Variants in LOXL2 observed in about 807,000 individuals in gnomAD.
The protein encoded by LOXL2 is lysyl oxidase homolog 2.
A neutral mutation model predicts 93.0 loss-of-function variants in LOXL2; 70 were observed. The ratio of observed to expected loss-of-function variants is 0.75; its 90% CI spans 0.62 to 0.92. The LOEUF is 0.92. Ranked by LOEUF, LOXL2 falls within the 40% of genes least tolerant of loss-of-function variation. The probability of loss-of-function intolerance (pLI) is 0.00; values close to 1 mark genes in which losing one functional copy is unlikely to be tolerated. For missense variants in LOXL2, 973 were observed against 1,054.9 expected (o/e 0.92, Z 1.08); for synonymous variants, 438 against 413.2 (o/e 1.06, Z -0.73).
rs1294494951 is a variant in LOXL2 at position 23,312,599 on chromosome 8, AC to A, written c.1637-2689del. On this transcript the variant is annotated intron_variant, in intron 9 of 13. Coordinates refer to ENST00000389131, the MANE Select transcript of LOXL2 (RefSeq NM_002318.3). ...AAAAGGCCTTTGACAAAATTCAACA[AC>A]CCTTCATGCTAAAAACTCTCAATAA... 9.5e-5 allele frequency among the ~76,000 whole-genome samples: 13 copies of A among 136,180 alleles called. No homozygotes were observed. The East Asian group carries it at 1.8e-3, about 19-fold the overall frequency. The allele number at this position is 136,180 out of a possible 152,430, so 89.3% of individuals were successfully genotyped here.
In LOXL2 at chr8:23,333,560, C is replaced by T; in HGVS notation, c.807G>A (p.Glu269=). ...CCAGCTTGCAGCTGGAGATGTGGGC[C>T]TCTGTGCCGGTGCAGTCCATGGAGA... ...WPFSMDCTGT[E]AHISSCKLGP... Residue 269 remains glutamate, a synonymous_variant, in exon 5 of 14, where the codon GAG becomes GAA. Transcript: ENST00000389131. The T allele has an allele frequency of 6.2e-7, 1 of 1,613,906 alleles. No homozygotes were observed. Among genetic ancestry groups the T allele is most frequent in the Non-Finnish European group, 8.5e-7 (1 of 1,180,036 alleles).
At chr8:23,392,632 G>T (rs1418215359) in intron 1 of LOXL2, among the ~76,000 whole-genome samples, 4 of 152,142 alleles carry the variant, frequency 2.6e-5, no homozygotes, top group Non-Finnish European at 5.9e-5. Flanking sequence ...TCTTTAGCAT[G>T]ACACAAACTA....
chr8:23,375,081 C>A (rs1375864588), intron 1 of LOXL2, among the ~76,000 whole-genome samples: 1 of 152,078 alleles, frequency 6.6e-6, no homozygotes, highest in Non-Finnish European at 1.5e-5. Flanking sequence ...GGTTTTAGGT[C>A]TAACATTTAA....
intron 1 of LOXL2, among the ~76,000 whole-genome samples, chr8:23,391,764 G>C (rs767176079): frequency 6.6e-6 from 1 of 152,184 alleles, no homozygotes; most frequent in South Asian, 2.1e-4. Flanking sequence ...TTCCTGGAGG[G>C]GGAGTGCTGA....
intron 3 of LOXL2, among the ~76,000 whole-genome samples, chr8:23,345,591 G>A (rs1049422364): frequency 1.3e-5 from 2 of 152,148 alleles, no homozygotes; most frequent in Non-Finnish European, 2.9e-5. Flanking sequence ...TAGAAAACAC[G>A]CCCACACACA....
intron 1 of LOXL2, among the ~76,000 whole-genome samples, chr8:23,376,633 T>C (rs972263787): frequency 1.3e-5 from 2 of 152,198 alleles, no homozygotes; most frequent in Admixed American, 1.3e-4. Context: ...TATTGGTCTA[T>C]TCAGGGATTC....
chr8:23,395,535 T>A (rs188770597), intron 1 of LOXL2, among the ~76,000 whole-genome samples: 512 of 152,256 alleles, frequency 3.4e-3, no homozygotes, highest in Admixed American at 4.1e-3. Context: ...TGAAATCCAT[T>A]GACTTGTACA....
At chr8:23,383,712 G>C (rs548013993) in intron 1 of LOXL2, among the ~76,000 whole-genome samples, 1 of 138,196 alleles carries the variant, frequency 7.2e-6, no homozygotes, top group African/African-American at 2.8e-5. Flanking sequence ...CCAGGCTGGA[G>C]TGCAGTGGCG....
rs188334861 is a variant in LOXL2 at position 23,302,168 on chromosome 8, G to T, written c.1997-5C>A. 20 of 1,614,062 alleles carry T rather than the reference G, an allele frequency of 1.2e-5. No homozygotes were observed. The highest frequency in any genetic ancestry group is 1.7e-5 in the Non-Finnish European group (20 of 1,179,984). On this transcript the variant is annotated splice_region_variant and splice_polypyrimidine_tract_variant and intron_variant, in intron 11 of 13. Transcript: ENST00000389131. ...ACTCGTAATTCTTCTGGATGTCTGCGGGCAGGGTAGAGGAGAGCTCATCAC... is the reference window on the plus strand; with the variant it reads ...ACTCGTAATTCTTCTGGATGTCTGCTGGCAGGGTAGAGGAGAGCTCATCAC...
Position 23,297,994 on chromosome 8 carries a change from T to C in LOXL2, c.*49A>G, listed in dbSNP as rs1190234928. ...ACTCAGTTGTTGGGGGGAAGTCCCA[T>C]GGAAGATGTGGTGTGGCCTGAAGAC... On this transcript the variant is annotated 3_prime_UTR_variant, in exon 14 of 14. Transcript: ENST00000389131. The C allele has an allele frequency of 6.7e-7, 1 of 1,495,490 alleles. No individual in the cohort carries two copies. Among genetic ancestry groups the C allele is most frequent in the East Asian group, 2.3e-5 (1 of 44,098 alleles). 92.6% of individuals were successfully genotyped at this position (1,495,490 alleles called of 1,614,324 possible).
At chr8:23,318,795 AG>A (rs1312471773) in intron 8 of LOXL2, among the ~76,000 whole-genome samples, 1 of 152,218 alleles carries the variant, frequency 6.6e-6, no homozygotes, top group East Asian at 1.9e-4. Flanking sequence ...GGGGAGGCCA[AG>A]CTCCCAGAGG....
intron 6 of LOXL2, among the ~76,000 whole-genome samples, chr8:23,324,019 T>C (rs557607625): frequency 3.3e-5 from 5 of 152,210 alleles, no homozygotes; most frequent in Non-Finnish European, 7.3e-5. Context: ...TTATTTCTTA[T>C]TTCTGCCACT....
intron 1 of LOXL2, among the ~76,000 whole-genome samples, chr8:23,403,627 GCA>G (rs999619035): frequency 8.3e-4 from 126 of 152,236 alleles, no homozygotes; most frequent in African/African-American, 2.1e-3. Context: ...AAGACGCCCA[GCA>G]CACACCGAGA....
At chr8:23,394,037 A>G (rs753009372) in intron 1 of LOXL2, among the ~76,000 whole-genome samples, 22 of 152,250 alleles carry the variant, frequency 1.4e-4, no homozygotes, top group Non-Finnish European at 2.6e-4. Context: ...TGTAAATCAT[A>G]TATCTGCAAT....
intron 1 of LOXL2, among the ~76,000 whole-genome samples, chr8:23,393,276 GAAGT>G (rs1800037119): frequency 6.6e-6 from 1 of 152,322 alleles, no homozygotes; most frequent in Non-Finnish European, 1.5e-5. Context: ...AAAGGAGAAC[GAAGT>G]AAGAGGACTT....
chr8:23,357,427 C>T (rs918651196), intron 3 of LOXL2, among the ~76,000 whole-genome samples: 3 of 152,156 alleles, frequency 2.0e-5, no homozygotes, highest in African/African-American at 7.2e-5. Flanking sequence ...TTGAAATGAC[C>T]CATCTTATTT....
intron 10 of LOXL2, among the ~76,000 whole-genome samples, chr8:23,306,179 A>T (rs1225428279): frequency 6.6e-6 from 1 of 152,180 alleles, no homozygotes; most frequent in Non-Finnish European, 1.5e-5. Flanking sequence ...CGGATGGCAG[A>T]TAAAGCTGGT....
chr8:23,331,311 C>G (rs1803672983), intron 5 of LOXL2: 1 of 152,794 alleles, frequency 6.5e-6, no homozygotes, highest in South Asian at 2.1e-4. Context: ...GACACACTCT[C>G]TGCCCCCACC....
At chr8:23,373,857 C>T (rs1563205415) in intron 1 of LOXL2, among the ~76,000 whole-genome samples, 1 of 152,060 alleles carries the variant, frequency 6.6e-6, no homozygotes, top group South Asian at 2.1e-4. Flanking sequence ...TCTCCCTCCC[C>T]TGACTTTCCC....
Sources: allele counts gnomAD v4.1 joint callset (sites outside exome capture counted in the v4.1 genomes callset), GRCh38; gene constraint gnomAD v4.1.1; transcripts MANE v1.5; gene names NCBI Gene and HGNC (gene_info 2026-07-23, HGNC 2026-07-21).